Variants in FBXL7 observed in about 807,000 individuals in gnomAD.
FBXL7 encodes the protein F-box/LRR-repeat protein 7.
A neutral mutation model predicts 38.3 loss-of-function variants in FBXL7; 12 were observed. That is an observed-to-expected ratio of 0.31 (90% CI 0.20 to 0.51). The LOEUF is 0.51. Among genes scored for constraint, FBXL7 ranks in the 20% least tolerant of loss-of-function variants. The probability of loss-of-function intolerance (pLI) is 0.98; values close to 1 mark genes in which losing one functional copy is unlikely to be tolerated. For synonymous variants in FBXL7, 297 were observed against 300.9 expected, an observed-to-expected ratio of 0.99 and a Z score of 0.13; for missense variants, 567 against 676.4, an observed-to-expected ratio of 0.84 and a Z score of 1.79.
Position 15,626,674 on chromosome 5 carries a change from A to G in FBXL7, c.127+10602A>G, listed in dbSNP as rs79124326. 8.1e-3 allele frequency among the ~76,000 whole-genome samples: 1,231 copies of G among 152,218 alleles called. 13 individuals carry two copies. The highest frequency in any genetic ancestry group is 0.028 in the African/African-American group (1,169 of 41,516). On this transcript the variant is annotated intron_variant, in intron 2 of 3. Transcript: ENST00000504595. The stretch of plus-strand genomic sequence containing the variant: ...GCAGATGTTGGAGAGAGACAGGTTT[A>G]GGTATTTAATATTCTAATTCCATGT...
chr5:15,704,675 C>T (rs1477856725), intron 2 of FBXL7, among the ~76,000 whole-genome samples: 1 of 152,150 alleles, frequency 6.6e-6, no homozygotes, highest in African/African-American at 2.4e-5. Context: ...GCAAACAAGG[C>T]TGGATGTTTT....
chr5:15,710,237 GCCACGCACAC>G (rs1428868841), intron 2 of FBXL7, among the ~76,000 whole-genome samples: 2 of 152,134 alleles, frequency 1.3e-5, no homozygotes, highest in East Asian at 3.9e-4. Flanking sequence ...ATATGGCTGA[GCCACGCACAC>G]CCTCGTTGAC....
intron 2 of FBXL7, among the ~76,000 whole-genome samples, chr5:15,893,717 C>T (rs1201011583): frequency 6.6e-6 from 1 of 152,034 alleles, no homozygotes; most frequent in African/African-American, 2.4e-5. Flanking sequence ...ACGGAGTTAT[C>T]CAATTGTGAT....
intron 2 of FBXL7, among the ~76,000 whole-genome samples, chr5:15,832,379 A>C (rs1038740458): frequency 6.6e-6 from 1 of 152,216 alleles, no homozygotes; most frequent in Non-Finnish European, 1.5e-5. Flanking sequence ...TAGGGAATAA[A>C]TCAAGCAAGG....
chr5:15,569,455 T>C (rs1738694348), intron 1 of FBXL7, among the ~76,000 whole-genome samples: 1 of 151,730 alleles, frequency 6.6e-6, no homozygotes, highest in African/African-American at 2.4e-5. Flanking sequence ...CCTGAGACTT[T>C]GCTGAAGTTG....
chr5:15,895,134 T>C (rs965247762), intron 2 of FBXL7, among the ~76,000 whole-genome samples: 39 of 152,220 alleles, frequency 2.6e-4, no homozygotes, highest in African/African-American at 9.2e-4. Context: ...GGCACAAAAG[T>C]AATTGTGGTT....
intron 2 of FBXL7, among the ~76,000 whole-genome samples, chr5:15,652,474 G>T (rs563304195): frequency 6.6e-6 from 1 of 152,264 alleles, no homozygotes; most frequent in South Asian, 2.1e-4. Flanking sequence ...CACCGTGTTA[G>T]CCCGGATGGT....
At chr5:15,869,481 A>G (rs574436918) in intron 2 of FBXL7, among the ~76,000 whole-genome samples, 1 of 152,282 alleles carries the variant, frequency 6.6e-6, no homozygotes, top group South Asian at 2.1e-4. Context: ...AATTGTCCAG[A>G]CTGAGACAAT....
At chr5:15,578,628 C>T (rs374520398) in intron 1 of FBXL7, among the ~76,000 whole-genome samples, 12 of 152,248 alleles carry the variant, frequency 7.9e-5, no homozygotes, top group East Asian at 5.8e-4. Flanking sequence ...CATGACCCCC[C>T]GTGATGCTAC....
At chr5:15,927,755 A>C in intron 2 of FBXL7, 135 bp from the exon 3 acceptor site, 4 of 870,160 alleles carry the variant, frequency 4.6e-6, no homozygotes, top group East Asian at 3.1e-5. Flanking sequence ...CGCCTGGGCG[A>C]CAAGATCTTA....
At chr5:15,824,048 C>T (rs1375392079) in intron 2 of FBXL7, among the ~76,000 whole-genome samples, 1 of 152,008 alleles carries the variant, frequency 6.6e-6, no homozygotes, top group African/African-American at 2.4e-5. Flanking sequence ...GAGGCTGAGG[C>T]GGGCGGATCA....
intron 2 of FBXL7, among the ~76,000 whole-genome samples, chr5:15,915,805 A>G (rs1372679120): frequency 6.6e-6 from 1 of 152,202 alleles, no homozygotes; most frequent in African/African-American, 2.4e-5. Context: ...GACTAGAATC[A>G]GGAGTCTCAG....
intron 1 of FBXL7, among the ~76,000 whole-genome samples, chr5:15,556,506 T>C (rs1006830621): frequency 1.3e-5 from 2 of 152,150 alleles, no homozygotes; most frequent in Non-Finnish European, 2.9e-5. Context: ...TTTTACCAGT[T>C]ATCTGGGCGT....
At chr5:15,577,471 C>G (rs995516086) in intron 1 of FBXL7, among the ~76,000 whole-genome samples, 1 of 152,130 alleles carries the variant, frequency 6.6e-6, no homozygotes, top group African/African-American at 2.4e-5. Flanking sequence ...ATTGCATCAT[C>G]GTTCGTTGCA....
chr5:15,927,794 GAAAGA>G lies in FBXL7; in HGVS notation c.128-83_128-79del, dbSNP rs1170553966. The G allele has an allele frequency of 2.8e-5, 17 of 603,924 alleles. No homozygotes were observed. The African/African-American group carries it at 2.9e-4, about 10-fold the overall frequency. 37.4% of individuals were successfully genotyped at this position (603,924 alleles called of 1,614,324 possible). A position where few individuals can be genotyped will look rare whatever the true frequency, so the allele number is the denominator to read the frequency against. On this transcript the variant is annotated intron_variant, in intron 2 of 3. Transcript: ENST00000504595. ...AAAAAAAAAAAAAAAAAAAGAAGAAGAAAGAAAAGAAAAGAAAGAAACCAGTGCTT... is the reference window on the plus strand; with the variant it reads ...AAAAAAAAAAAAAAAAAAAGAAGAAGAAAGAAAAGAAAGAAACCAGTGCTT...
chr5:15,604,087 G>T (rs1739909436), intron 1 of FBXL7, among the ~76,000 whole-genome samples: 1 of 152,132 alleles, frequency 6.6e-6, no homozygotes, highest in Admixed American at 6.5e-5. Flanking sequence ...AGTAAGCTGA[G>T]ATCCAGAAGG....
chr5:15,677,312 C>G (rs933000313), intron 2 of FBXL7, among the ~76,000 whole-genome samples: 2 of 151,958 alleles, frequency 1.3e-5, no homozygotes, highest in Non-Finnish European at 2.9e-5. Flanking sequence ...TCTACTAAAA[C>G]AAAAATTAGC....
chr5:15,652,042 C>G (rs1293419980), intron 2 of FBXL7, among the ~76,000 whole-genome samples: 1 of 152,170 alleles, frequency 6.6e-6, no homozygotes, highest in Non-Finnish European at 1.5e-5. Context: ...TCCAACCTCC[C>G]TTAGCTTCCA....
At chr5:15,873,016 A>T (rs1412835211) in intron 2 of FBXL7, among the ~76,000 whole-genome samples, 9 of 152,186 alleles carry the variant, frequency 5.9e-5, no homozygotes, top group Non-Finnish European at 1.2e-4. Flanking sequence ...TCTAAAATCA[A>T]CCACATAATT....
Sources: allele counts gnomAD v4.1 joint callset (sites outside exome capture counted in the v4.1 genomes callset), GRCh38; gene constraint gnomAD v4.1.1; transcripts MANE v1.5; gene names NCBI Gene and HGNC (gene_info 2026-07-23, HGNC 2026-07-21).